Variants in EXOC4 observed in about 807,000 individuals in gnomAD.
The protein encoded by EXOC4 is exocyst complex component 4.
Under a neutral mutation model 107.2 loss-of-function variants are expected in EXOC4, and 71 were observed. That is an observed-to-expected ratio of 0.66 (90% CI 0.55 to 0.81). The LOEUF is 0.81. EXOC4 is among the 30% of genes least tolerant of loss of function. The pLI is 0.00. For synonymous variants in EXOC4, 456 were observed against 441.2 expected, an observed-to-expected ratio of 1.03 and a Z score of -0.42; for missense variants, 1,108 against 1,189.6, an observed-to-expected ratio of 0.93 and a Z score of 1.01.
intron 9 of EXOC4, among the ~76,000 whole-genome samples, chr7:133,601,418 A>T (rs1801805114): frequency 6.6e-6 from 1 of 152,122 alleles, no homozygotes; most frequent in Non-Finnish European, 1.5e-5. Context: ...TTTTTCAAAA[A>T]TTAAGGATTA....
intron 10 of EXOC4, among the ~76,000 whole-genome samples, chr7:133,737,012 T>C (rs886838002): frequency 1.1e-4 from 16 of 152,222 alleles, no homozygotes; most frequent in Non-Finnish European, 1.9e-4. Flanking sequence ...ATTTTATCTT[T>C]CTTTTTGTCA....
At chr7:133,720,292 A>G (rs1795081234) in intron 10 of EXOC4, among the ~76,000 whole-genome samples, 1 of 152,210 alleles carries the variant, frequency 6.6e-6, no homozygotes, top group Non-Finnish European at 1.5e-5. Flanking sequence ...TATTTTGCCA[A>G]TACATAATAG....
intron 14 of EXOC4, among the ~76,000 whole-genome samples, chr7:133,951,115 C>T (rs531709651): frequency 2.0e-5 from 3 of 152,350 alleles, no homozygotes; most frequent in African/African-American, 7.2e-5. Context: ...CACCAGCTCC[C>T]ATTCCTGCAA....
rs118000429 is a variant in EXOC4, at chr7:133,258,404, G to A, written c.86+5217G>A. Among the ~76,000 whole-genome samples the A allele has an allele frequency of 9.2e-4, 140 of 152,304 alleles. 1 individual carries two copies. The East Asian group carries it at 0.016, about 17-fold the overall frequency. On this transcript the variant is annotated intron_variant, in intron 1 of 17. Transcript: ENST00000253861. ...GTGGTCACAGCCTGTGGTGTGAATT[G>A]CTGTGGTTGTGTGTTGTAGTTGAAA...
intron 13 of EXOC4, among the ~76,000 whole-genome samples, chr7:133,919,022 T>A (rs974330766): frequency 4.6e-5 from 7 of 152,212 alleles, no homozygotes; most frequent in African/African-American, 1.7e-4. Context: ...GCCATATTTT[T>A]ATGAACTTTT....
chr7:133,888,727 C>T (rs772510530), intron 11 of EXOC4, among the ~76,000 whole-genome samples: 3 of 152,222 alleles, frequency 2.0e-5, no homozygotes, highest in South Asian at 2.1e-4. Flanking sequence ...ACTGTAATCT[C>T]GTGAGAAAAT....
intron 10 of EXOC4, among the ~76,000 whole-genome samples, chr7:133,780,124 A>G (rs1237924945): frequency 6.6e-6 from 1 of 152,072 alleles, no homozygotes; most frequent in Non-Finnish European, 1.5e-5. Flanking sequence ...GACAAGTCAT[A>G]TTATCAAAAA....
At chr7:133,396,977 G>A (rs1359330387) in intron 7 of EXOC4, among the ~76,000 whole-genome samples, 1 of 152,068 alleles carries the variant, frequency 6.6e-6, no homozygotes, top group African/African-American at 2.4e-5. Flanking sequence ...TCATTGACTT[G>A]TACCTTTGCT....
chr7:134,027,542 C>G (rs1185121070), intron 17 of EXOC4, among the ~76,000 whole-genome samples: 1 of 151,424 alleles, frequency 6.6e-6, no homozygotes, highest in Non-Finnish European at 1.5e-5. Context: ...CCTGGAATCC[C>G]AGCTACTCAG....
chr7:133,982,138 A>G (rs1307495163), intron 14 of EXOC4, among the ~76,000 whole-genome samples: 2 of 152,182 alleles, frequency 1.3e-5, no homozygotes, highest in African/African-American at 4.8e-5. Context: ...AAAAATAACT[A>G]CTGGGTATTA....
rs578016611 is a variant in EXOC4 at position 134,007,580 on chromosome 7, A to T, written c.2528-96A>T. 6.0e-5 allele frequency: 69 copies of T among 1,150,876 alleles called. No individual in the cohort carries two copies. The East Asian group carries it at 1.7e-3, about 28-fold the overall frequency. The allele number at this position is 1,150,876 out of a possible 1,614,324, so 71.3% of individuals were successfully genotyped here. A position where few individuals can be genotyped will look rare whatever the true frequency, so the allele number is the denominator to read the frequency against. On this transcript the variant is annotated intron_variant, in intron 16 of 17. Coordinates refer to ENST00000253861, the MANE Select transcript of EXOC4 (RefSeq NM_021807.4). ...TTTCTTTGGTCGTTTAAATGTATAGAGGATTAGAAGACAGCAATTCTGTGT... is the reference window on the plus strand; with the variant it reads ...TTTCTTTGGTCGTTTAAATGTATAGTGGATTAGAAGACAGCAATTCTGTGT...
chr7:133,386,717 G>A (rs1796735579), intron 7 of EXOC4, among the ~76,000 whole-genome samples: 1 of 152,162 alleles, frequency 6.6e-6, no homozygotes, highest in South Asian at 2.1e-4. Context: ...TAAACCTTCT[G>A]TGGTAAAAGG....
chr7:133,311,416 G>A (rs1794868620), intron 4 of EXOC4, among the ~76,000 whole-genome samples: 1 of 152,102 alleles, frequency 6.6e-6, no homozygotes, highest in Non-Finnish European at 1.5e-5. Context: ...ATAGACTTTA[G>A]TATTTTGAAC....
At chr7:133,585,684 G>A (rs116921852) in intron 9 of EXOC4, among the ~76,000 whole-genome samples, 3 of 152,058 alleles carry the variant, frequency 2.0e-5, no homozygotes, top group Non-Finnish European at 2.9e-5. Flanking sequence ...GGAGATAAAT[G>A]ATAAGAAATA....
At chr7:133,715,516 G>A (rs1794981708) in intron 10 of EXOC4, among the ~76,000 whole-genome samples, 1 of 151,558 alleles carries the variant, frequency 6.6e-6, no homozygotes, top group Admixed American at 6.6e-5. Flanking sequence ...AATTGGGAAT[G>A]CAAGCAATGG....
In EXOC4 at chr7:133,506,092, A is replaced by G. The variant is rs182970305; in HGVS notation, c.1417+25954A>G. On this transcript the variant is annotated intron_variant, in intron 9 of 17. Transcript: ENST00000253861. ...ATACTTTGAAAAATATTCATATTCT[A>G]TAGTGGTTAGCTTATTTGTTAGTTG... Among the ~76,000 whole-genome samples, 361 of 152,300 alleles carry G rather than the reference A, an allele frequency of 2.4e-3. 7 individuals are homozygous for G. Among genetic ancestry groups the G allele is most frequent in the Admixed American group, 0.021 (326 of 15,286 alleles).
intron 10 of EXOC4, among the ~76,000 whole-genome samples, chr7:133,673,817 C>A (rs1793997871): frequency 6.6e-6 from 1 of 152,158 alleles, no homozygotes; most frequent in Non-Finnish European, 1.5e-5. Flanking sequence ...TCTGTTACTA[C>A]TCATTTTTCT....
At chr7:133,855,042 T>TAA (rs1554409714) in intron 11 of EXOC4, among the ~76,000 whole-genome samples, 7 of 75,672 alleles carry the variant, frequency 9.3e-5, no homozygotes, top group African/African-American at 4.3e-4. Flanking sequence ...TCTAAATATA[T>TAA]ATATATCTAA....
intron 10 of EXOC4, among the ~76,000 whole-genome samples, chr7:133,649,675 C>G (rs1412620438): frequency 6.6e-6 from 1 of 152,062 alleles, no homozygotes; most frequent in African/African-American, 2.4e-5. Context: ...GAATTGGGTT[C>G]AAGGCCATGC....
Sources: allele counts gnomAD v4.1 joint callset (sites outside exome capture counted in the v4.1 genomes callset), GRCh38; gene constraint gnomAD v4.1.1; transcripts MANE v1.5; gene names NCBI Gene and HGNC (gene_info 2026-07-23, HGNC 2026-07-21).